ERVW-1: variants seen among roughly 807,000 people sequenced by gnomAD.
ERVW-1 encodes the protein endogenous retrovirus group W member 1, envelope.
In ERVW-1, 21 loss-of-function variants were observed where a neutral mutation model predicts 16.6. The observed-to-expected ratio is 1.26, with a 90% CI of 0.90 to 1.82. The LOEUF is 1.82. ERVW-1 is among the 40% of genes most tolerant of loss of function. The probability of loss-of-function intolerance (pLI) is 0.00; values close to 1 mark genes in which losing one functional copy is unlikely to be tolerated. For synonymous variants in ERVW-1, 161 were observed against 109.8 expected (o/e 1.47, Z -2.92); for missense variants, 412 against 300.2 (o/e 1.37, Z -2.75).
chr7:92,470,608 T>G lies in ERVW-1; in HGVS notation c.-227A>C. 2.2e-6 allele frequency: 1 copy of G among 451,566 alleles called. No homozygotes were observed. The highest frequency in any genetic ancestry group is 3.9e-5 in the Admixed American group (1 of 25,386). 28.0% of individuals were successfully genotyped at this position (451,566 alleles called of 1,614,324 possible). ...TGGGTAGGGTCCTTCCCAGGATGTA[T>G]CTAGGGATGGGGAATTAGAGGGAAG... On this transcript the variant is annotated splice_region_variant and 5_prime_UTR_variant, in exon 2 of 2. Coordinates refer to ENST00000603053, the MANE Select transcript of ERVW-1 (RefSeq NM_001130925.2).
Position 92,469,954 on chromosome 7 carries a change from G to A in ERVW-1, c.428C>T (p.Ser143Phe). 1 of 777,728 alleles carries A rather than the reference G, an allele frequency of 1.3e-6. No homozygotes were observed. Among genetic ancestry groups the A allele is most frequent in the South Asian group, 1.3e-5 (1 of 74,384 alleles). The allele number at this position is 777,728 out of a possible 1,614,324, so 48.2% of individuals were successfully genotyped here. A position where few individuals can be genotyped will look rare whatever the true frequency, so the allele number is the denominator to read the frequency against. The change falls in exon 2 of 2, where the codon TCT becomes TTT. Residue 143 changes from serine (S) to phenylalanine (F), a missense_variant. By Grantham distance (155) the Ser-to-Phe change is radical. Coordinates refer to ENST00000603053, the MANE Select transcript of ERVW-1 (RefSeq NM_001130925.2). ...GAGATCTAGTCCTTTGTAGGGGCTAGAGGTGCCATGTACCCGGGTGAGTTG... is the reference window on the plus strand; with the variant it reads ...GAGATCTAGTCCTTTGTAGGGGCTAAAGGTGCCATGTACCCGGGTGAGTTG... ...ISQLTRVHGT[S>F]SPYKGLDLSK...
At position 92,477,794 on chromosome 7, in the gene ERVW-1, G is replaced by A. The variant is rs1585196840; in HGVS notation, c.-640C>T. ...GATGGGAGTCAGCGGCAGGTCTGCG[G>A]TGGTGGCAAACAGCAGTGGTGGACG... is the stretch of plus-strand genomic sequence containing the variant. On this transcript the variant is annotated 5_prime_UTR_variant, in exon 1 of 2. Transcript: ENST00000603053. 5.5e-6 allele frequency: 1 copy of A among 181,542 alleles called. No individual in the cohort carries two copies. Among genetic ancestry groups the A allele is most frequent in the South Asian group, 1.5e-4 (1 of 6,684 alleles). 11.2% of individuals were successfully genotyped at this position (181,542 alleles called of 1,614,324 possible). A position where few individuals can be genotyped will look rare whatever the true frequency, so the allele number is the denominator to read the frequency against.
At chr7:92,475,123 G>A (rs1268568113) in intron 1 of ERVW-1, 1 of 152,106 alleles carries the variant, frequency 6.6e-6, no homozygotes, top group East Asian at 1.9e-4. Context: ...CACTCCATTT[G>A]CCTTTTCTAC....
chr7:92,476,503 A>G (rs1562833657), intron 1 of ERVW-1, among the ~76,000 whole-genome samples: 1 of 152,162 alleles, frequency 6.6e-6, no homozygotes, highest in Admixed American at 6.5e-5. Context: ...GAAGACCTTC[A>G]ATTATCAAGT....
rs1340528769 is a variant in ERVW-1 at position 92,469,841 on chromosome 7, G to A, written c.541C>T (p.Gln181Ter). Residue 181 changes from glutamine (Q) to a stop codon, truncating the protein, a stop_gained, in exon 2 of 2, where the codon CAA becomes TAA. Coordinates refer to ENST00000603053, the MANE Select transcript of ERVW-1 (RefSeq NM_001130925.2). LOFTEE classifies it high-confidence loss of function. ...TLTGLHEVSA[Q>*]NPTNCWICLP... is the part of the protein sequence containing the mutation. ...CATATCCAACAGTTAGTAGGGTTTT[G>A]GGCCGAGACCTCATGGAGCCCAGTG... The A allele has an allele frequency of 3.9e-6, 3 of 772,774 alleles. No individual in the cohort carries two copies. The Admixed American group carries it at 5.1e-5, about 13-fold the overall frequency. The allele number at this position is 772,774 out of a possible 1,614,324, so 47.9% of individuals were successfully genotyped here. A position where few individuals can be genotyped will look rare whatever the true frequency, so the allele number is the denominator to read the frequency against.
In ERVW-1 at chr7:92,468,972, G is replaced by T. The variant is rs755849382; in HGVS notation, c.1410C>A (p.Asn470Lys). The T allele has an allele frequency of 1.3e-6, 1 of 763,188 alleles. No individual in the cohort carries two copies. Among genetic ancestry groups the T allele is most frequent in the South Asian group, 1.3e-5 (1 of 74,418 alleles). The allele number at this position is 763,188 out of a possible 1,614,324, so 47.3% of individuals were successfully genotyped here. A position where few individuals can be genotyped will look rare whatever the true frequency, so the allele number is the denominator to read the frequency against. ...LLLLFGPCIF[N>K]LLVNFVSSRI... is the part of the protein sequence containing the mutation. ...TGGAAGAGACAAAGTTAACAAGGAGGTTAAAGATACAGGGTCCAAAGAGGA... is the reference window on the plus strand; with the variant it reads ...TGGAAGAGACAAAGTTAACAAGGAGTTTAAAGATACAGGGTCCAAAGAGGA... The change falls in exon 2 of 2, where the codon AAC (asparagine) becomes AAA (lysine). Residue 470 changes from asparagine to lysine, a missense_variant. Physicochemically the swap from Asn to Lys is moderately conservative, Grantham distance 94 (BLOSUM62 0). Coordinates refer to ENST00000603053, the MANE Select transcript of ERVW-1 (RefSeq NM_001130925.2).
At chr7:92,476,438 T>A (rs916493217) in intron 1 of ERVW-1, among the ~76,000 whole-genome samples, 2 of 152,236 alleles carry the variant, frequency 1.3e-5, no homozygotes, top group Non-Finnish European at 2.9e-5. Context: ...GCTTTCGGCC[T>A]ATGCTCTTAT....
chr7:92,475,675 G>T (rs544302905), intron 1 of ERVW-1, among the ~76,000 whole-genome samples: 2 of 151,980 alleles, frequency 1.3e-5, no homozygotes, highest in African/African-American at 2.4e-5. Context: ...CGCCTTTCTT[G>T]ACCACAAAGA....
Position 92,468,849 on chromosome 7 carries a change from A to G in ERVW-1, c.1533T>C (p.Asp511=), listed in dbSNP as rs752878342. The change falls in exon 2 of 2, where the codon GAT becomes GAC. Residue 511 remains aspartate (D), a synonymous_variant. Transcript: ENST00000603053. ...GAGGGGTGCCTTTGATGTCATTAAC[A>G]TCAGATCGTGGGCTAGCAGGCCGGT... is the stretch of plus-strand genomic sequence containing the variant. The part of the protein sequence containing the change: ...PLDRPASPRS[D]VNDIKGTPPE... The G allele has an allele frequency of 6.5e-6, 5 of 764,394 alleles. No individual in the cohort carries two copies. The highest frequency in any genetic ancestry group is 1.2e-5 in the Non-Finnish European group (5 of 417,866). The allele number at this position is 764,394 out of a possible 1,614,324, so 47.4% of individuals were successfully genotyped here. A position where few individuals can be genotyped will look rare whatever the true frequency, so the allele number is the denominator to read the frequency against.
intron 1 of ERVW-1, among the ~76,000 whole-genome samples, chr7:92,474,246 C>T (rs958456369): frequency 2.0e-5 from 3 of 152,054 alleles, no homozygotes; most frequent in Non-Finnish European, 4.4e-5. Flanking sequence ...AGTTTTGCTC[C>T]GGGCCTACGG....
intron 1 of ERVW-1, among the ~76,000 whole-genome samples, chr7:92,476,863 C>T (rs930643507): frequency 2.6e-5 from 4 of 152,128 alleles, no homozygotes; most frequent in African/African-American, 4.8e-5. Context: ...AAGGACGCAG[C>T]GCAGAGCTTC....
At position 92,470,384 on chromosome 7, in the gene ERVW-1, G is replaced by A. The variant is rs1321835182; in HGVS notation, c.-3C>T. 2.9e-6 allele frequency: 2 copies of A among 689,224 alleles called. No individual in the cohort carries two copies. Among genetic ancestry groups the A allele is most frequent in the East Asian group, 2.5e-5 (1 of 40,368 alleles). 42.7% of individuals were successfully genotyped at this position (689,224 alleles called of 1,614,324 possible). A position where few individuals can be genotyped will look rare whatever the true frequency, so the allele number is the denominator to read the frequency against. On this transcript the variant is annotated 5_prime_UTR_variant, in exon 2 of 2. Transcript: ENST00000603053. Reference sequence around the variant, plus strand: ...AAAATATGATAAGGGAGGGCCATGGGGATTTATGATTTTAGTTACTTTCCT... The same window carrying A: ...AAAATATGATAAGGGAGGGCCATGGAGATTTATGATTTTAGTTACTTTCCT...
At chr7:92,472,429 TAGTC>T (rs1489998937) in intron 1 of ERVW-1, 3 of 152,230 alleles carry the variant, frequency 2.0e-5, no homozygotes, top group Non-Finnish European at 4.4e-5. Context: ...TCAATTTCCT[TAGTC>T]AGGTATGCCA....
At position 92,468,855 on chromosome 7, in the gene ERVW-1, TCGTGGGCTAGC is replaced by T. The variant is rs753328682; in HGVS notation, c.1516_1526del (p.Ala506IlefsTer2). The T allele has an allele frequency of 2.6e-6, 2 of 764,454 alleles. No individual in the cohort carries two copies. Among genetic ancestry groups the T allele is most frequent in the Admixed American group, 3.4e-5 (2 of 59,022 alleles). The allele number at this position is 764,454 out of a possible 1,614,324, so 47.4% of individuals were successfully genotyped here. On this transcript the variant is annotated frameshift_variant, in exon 2 of 2. Transcript: ENST00000603053. LOFTEE classifies it high-confidence loss of function. ...TGCCTTTGATGTCATTAACATCAGA[TCGTGGGCTAGC>T]AGGCCGGTCCAGGGGTCTGCGGTAG...
Position 92,468,620 on chromosome 7 carries a change from C to G in ERVW-1, c.*145G>C. 1.8e-6 allele frequency: 1 copy of G among 562,394 alleles called. No individual in the cohort carries two copies. The highest frequency in any genetic ancestry group is 2.9e-5 in the East Asian group (1 of 34,094). The allele number at this position is 562,394 out of a possible 1,614,324, so 34.8% of individuals were successfully genotyped here. The stretch of plus-strand genomic sequence containing the variant: ...CAGGTGTGAGCTAAGTTGCAAGCCC[C>G]GTGTTTAAAGGTGGATGTGGTCACC... On this transcript the variant is annotated 3_prime_UTR_variant, in exon 2 of 2. Coordinates refer to ENST00000603053, the MANE Select transcript of ERVW-1 (RefSeq NM_001130925.2).
rs192275688 is a variant in ERVW-1, at chr7:92,468,856, C to T, written c.1526G>A (p.Arg509Gln). 22 of 764,332 alleles carry T rather than the reference C, an allele frequency of 2.9e-5. No individual in the cohort carries two copies. The highest frequency in any genetic ancestry group is 9.7e-5 in the East Asian group (4 of 41,238). 47.3% of individuals were successfully genotyped at this position (764,332 alleles called of 1,614,324 possible). Residue 509 changes from arginine (R) to glutamine (Q), a missense_variant, in exon 2 of 2, where the codon CGA becomes CAA. Arg to Gln is a conservative substitution (Grantham distance 43, BLOSUM62 1). Coordinates refer to ENST00000603053, the MANE Select transcript of ERVW-1 (RefSeq NM_001130925.2). Reference protein sequence around the residue: ...RRPLDRPASPRSDVNDIKGTP... With the variant: ...RRPLDRPASPQSDVNDIKGTP... ...GCCTTTGATGTCATTAACATCAGATCGTGGGCTAGCAGGCCGGTCCAGGGG... is the reference window on the plus strand; with the variant it reads ...GCCTTTGATGTCATTAACATCAGATTGTGGGCTAGCAGGCCGGTCCAGGGG...
rs1007896258 is a variant in ERVW-1, at chr7:92,468,882, T to A, written c.1500A>T (p.Arg500Ser). ...KMQSKTKIYR[R>S]PLDRPASPRS... is the part of the protein sequence containing the mutation. ...GTGGGCTAGCAGGCCGGTCCAGGGG[T>A]CTGCGGTAGATCTTAGTCTTGGACT... Residue 500 changes from arginine to serine, a missense_variant, in exon 2 of 2, where the codon AGA becomes AGT. Arg to Ser is a moderately radical substitution (Grantham distance 110). Transcript: ENST00000603053. 1 of 764,262 alleles carries A rather than the reference T, an allele frequency of 1.3e-6. No individual in the cohort carries two copies. The highest frequency in any genetic ancestry group is 2.4e-6 in the Non-Finnish European group (1 of 417,864). 47.3% of individuals were successfully genotyped at this position (764,262 alleles called of 1,614,324 possible). A position where few individuals can be genotyped will look rare whatever the true frequency, so the allele number is the denominator to read the frequency against.
rs372088665 is a variant in ERVW-1 at position 92,468,886 on chromosome 7, C to T, written c.1496G>A (p.Arg499His). The T allele has an allele frequency of 3.9e-5, 30 of 764,140 alleles. No homozygotes were observed. Among genetic ancestry groups the T allele is most frequent in the Middle Eastern group, 3.5e-4 (1 of 2,830 alleles). The allele number at this position is 764,140 out of a possible 1,614,324, so 47.3% of individuals were successfully genotyped here. ...PKMQSKTKIY[R>H]RPLDRPASPR... ...GCTAGCAGGCCGGTCCAGGGGTCTG[C>T]GGTAGATCTTAGTCTTGGACTGCAT... Residue 499 changes from arginine (R) to histidine (H), a missense_variant, in exon 2 of 2, where the codon CGC becomes CAC. Arg to His is a conservative substitution (Grantham distance 29). Transcript: ENST00000603053.
rs748873009 is a variant in ERVW-1 at position 92,469,687 on chromosome 7, G to A, written c.695C>T (p.Thr232Ile). 12 of 764,232 alleles carry A rather than the reference G, an allele frequency of 1.6e-5. No individual in the cohort carries two copies. The highest frequency in any genetic ancestry group is 2.4e-5 in the East Asian group (1 of 41,270). The allele number at this position is 764,232 out of a possible 1,614,324, so 47.3% of individuals were successfully genotyped here. A position where few individuals can be genotyped will look rare whatever the true frequency, so the allele number is the denominator to read the frequency against. ...PLVSNLEITH[T>I]SNLTCVKFSN... ...AAATTTTACACAGGTGAGGTTTGAG[G>A]TATGGGTTATTTCCAGATTGGAAAC... Residue 232 changes from threonine to isoleucine, a missense_variant, in exon 2 of 2, where the codon ACC (threonine) becomes ATC (isoleucine). Physicochemically the swap from Thr to Ile is moderately conservative, Grantham distance 89. Coordinates refer to ENST00000603053, the MANE Select transcript of ERVW-1 (RefSeq NM_001130925.2).
Sources: allele counts gnomAD v4.1 joint callset (sites outside exome capture counted in the v4.1 genomes callset), GRCh38; gene constraint gnomAD v4.1.1; transcripts MANE v1.5; gene names NCBI Gene and HGNC (gene_info 2026-07-23, HGNC 2026-07-21).